The following SH3RF2 variants were observed in gnomAD, a reference collection of about 807,000 sequenced individuals.
SH3RF2 encodes SH3 domain containing ring finger 2.
SH3RF2 carries 43 observed loss-of-function variants against 59.0 expected under a neutral mutation model. The observed-to-expected ratio is 0.73, with a 90% CI of 0.57 to 0.94. The LOEUF is 0.94. SH3RF2 is among the 40% of genes least tolerant of loss of function. The pLI is 0.00. For synonymous variants in SH3RF2, 391 were observed against 391.5 expected, an observed-to-expected ratio of 1.00 and a Z score of 0.01; for missense variants, 930 against 940.1, an observed-to-expected ratio of 0.99 and a Z score of 0.14.
chr5:146,050,948 T>C (rs748392898), intron 7 of SH3RF2, among the ~76,000 whole-genome samples: 1 of 152,166 alleles, frequency 6.6e-6, no homozygotes, highest in Non-Finnish European at 1.5e-5. Context: ...AAAAGACCTG[T>C]AGTAGTCCAG....
rs1290970655 is a variant in SH3RF2 at position 146,013,893 on chromosome 5, G to A, written c.891G>A (p.Gly297=). 1.6e-5 allele frequency: 26 copies of A among 1,614,122 alleles called. No homozygotes were observed. Among genetic ancestry groups the A allele is most frequent in the Non-Finnish European group, 2.1e-5 (25 of 1,180,020 alleles). ...CAGGGTCCAGGAGGAAGGTGCCTGG[G>A]CAGTTTTCCATCACAACAGCCTTGA... is the stretch of plus-strand genomic sequence containing the variant. The part of the protein sequence containing the change: ...RGPGSRRKVP[G]QFSITTALNT... Residue 297 remains glycine, a synonymous_variant, in exon 5 of 10, where the codon GGG becomes GGA. Transcript: ENST00000359120.
chr5:146,005,565 G>A (rs978318921), intron 4 of SH3RF2, among the ~76,000 whole-genome samples: 2 of 152,178 alleles, frequency 1.3e-5, no homozygotes, highest in Admixed American at 6.5e-5. Flanking sequence ...TGAAGGAAGG[G>A]ATGGAGGAAG....
chr5:146,068,330 G>A (rs920677399), intron 9 of SH3RF2, among the ~76,000 whole-genome samples: 29 of 152,224 alleles, frequency 1.9e-4, no homozygotes, highest in African/African-American at 7.0e-4. Context: ...AGCTGTGGCA[G>A]GCAGAACGGC....
At chr5:145,977,764 T>A (rs925840426) in intron 2 of SH3RF2, among the ~76,000 whole-genome samples, 2 of 152,220 alleles carry the variant, frequency 1.3e-5, no homozygotes, top group Non-Finnish European at 2.9e-5. Flanking sequence ...CAGCTTGAGA[T>A]AGGCTCTAAT....
intron 2 of SH3RF2, among the ~76,000 whole-genome samples, chr5:145,993,780 C>G (rs1278211069): frequency 1.3e-5 from 2 of 151,902 alleles, no homozygotes; most frequent in Non-Finnish European, 2.9e-5. Flanking sequence ...GAGGGGCTGC[C>G]ATGAAGACCT....
At chr5:146,004,742 A>G (rs1460661166) in intron 4 of SH3RF2, among the ~76,000 whole-genome samples, 2 of 152,098 alleles carry the variant, frequency 1.3e-5, no homozygotes, top group Admixed American at 1.3e-4. Context: ...AATATCATAA[A>G]ATGTTCAATA....
chr5:146,071,351 G>C (rs1201422481), intron 9 of SH3RF2, among the ~76,000 whole-genome samples: 2 of 152,216 alleles, frequency 1.3e-5, no homozygotes, highest in African/African-American at 2.4e-5. Context: ...GGACATGTCA[G>C]TCACAGCTTA....
intron 4 of SH3RF2, among the ~76,000 whole-genome samples, chr5:146,009,945 T>C (rs971197774): frequency 6.6e-6 from 1 of 152,206 alleles, no homozygotes; most frequent in South Asian, 2.1e-4. Context: ...TTGTTACACA[T>C]GTATACAAGT....
chr5:145,995,569 C>A (rs911610125), intron 2 of SH3RF2, among the ~76,000 whole-genome samples: 4 of 152,252 alleles, frequency 2.6e-5, no homozygotes, highest in East Asian at 1.9e-4. Flanking sequence ...CCTCTCATAC[C>A]TTTTACCTCT....
At chr5:146,011,671 GCTCT>G (rs777485673) in intron 4 of SH3RF2, among the ~76,000 whole-genome samples, 1 of 152,018 alleles carries the variant, frequency 6.6e-6, no homozygotes, top group Non-Finnish European at 1.5e-5. Context: ...TCATGATTTG[GCTCT>G]CTGTTTGTCT....
At position 146,062,885 on chromosome 5, in the gene SH3RF2, G is replaced by A. The variant is rs1032528078; in HGVS notation, c.*184G>A. On this transcript the variant is annotated 3_prime_UTR_variant, in exon 10 of 10. Transcript: ENST00000359120. The stretch of plus-strand genomic sequence containing the variant: ...TGCCCTGGGTGGGAGGATAGATGGC[G>A]TGGCCTTCCAAACATACAAACATAA... 14 of 736,516 alleles carry A rather than the reference G, an allele frequency of 1.9e-5. No individual in the cohort carries two copies. In the Middle Eastern group the frequency reaches 1.6e-3, roughly 83 times the overall value. The allele number at this position is 736,516 out of a possible 1,614,324, so 45.6% of individuals were successfully genotyped here. A position where few individuals can be genotyped will look rare whatever the true frequency, so the allele number is the denominator to read the frequency against.
At chr5:146,017,938 A>C (rs1338406795) in intron 5 of SH3RF2, among the ~76,000 whole-genome samples, 1 of 152,144 alleles carries the variant, frequency 6.6e-6, no homozygotes, top group Non-Finnish European at 1.5e-5. Flanking sequence ...GGATCCCATT[A>C]TTGAGTGATC....
chr5:145,938,015 G>A lies in SH3RF2; in HGVS notation c.87G>A (p.Gln29=). 2 of 1,614,218 alleles carry A rather than the reference G, an allele frequency of 1.2e-6. No individual in the cohort carries two copies. The highest frequency in any genetic ancestry group is 1.7e-6 in the Non-Finnish European group (2 of 1,180,034). ...LDVTAKVLPC[Q]HTFCKPCLQR... ...TCACAGCCAAAGTCCTCCCTTGCCA[G>A]CACACCTTCTGCAAACCATGTCTAC... The change falls in exon 2 of 10, where the codon CAG becomes CAA. Residue 29 remains glutamine (Q), a synonymous_variant. Transcript: ENST00000359120.
intron 2 of SH3RF2, among the ~76,000 whole-genome samples, chr5:145,975,770 C>T (rs1164195923): frequency 6.6e-6 from 1 of 152,246 alleles, no homozygotes; most frequent in Non-Finnish European, 1.5e-5. Flanking sequence ...AATCATTCCC[C>T]TACTGGGGCA....
intron 8 of SH3RF2, among the ~76,000 whole-genome samples, chr5:146,057,972 C>A (rs928983576): frequency 1.3e-3 from 102 of 81,338 alleles, no homozygotes; most frequent in African/African-American, 3.0e-3. Context: ...CTCTCTCTAT[C>A]TATCTATCTA....
chr5:146,009,330 C>T (rs78595125), intron 4 of SH3RF2, among the ~76,000 whole-genome samples: 10 of 152,270 alleles, frequency 6.6e-5, no homozygotes, highest in African/African-American at 2.4e-4. Context: ...GATCTGGCCC[C>T]TGCCTGTCTC....
At chr5:146,064,866 G>GAAAGAAAGAAAGAAAGAAAGAA (rs1561773964), downstream of SH3RF2, among the ~76,000 whole-genome samples, 1 of 83,988 alleles carries the variant, frequency 1.2e-5, no homozygotes, top group Non-Finnish European at 2.7e-5. Flanking sequence ...GAAAGAAAGA[G>GAAAGAAAGAAAGAAAGAAAGAA]AAAGAAAAAG....
At chr5:146,072,846 A>T (rs1247691257) in intron 9 of SH3RF2, among the ~76,000 whole-genome samples, 1 of 152,170 alleles carries the variant, frequency 6.6e-6, no homozygotes, top group East Asian at 1.9e-4. Flanking sequence ...CATCATGGGC[A>T]AGTCATTTAA....
chr5:146,005,887 G>A (rs1272949566), intron 4 of SH3RF2, among the ~76,000 whole-genome samples: 1 of 148,738 alleles, frequency 6.7e-6, no homozygotes, highest in African/African-American at 2.5e-5. Context: ...GCAAGTGAAT[G>A]AATGGAAAAT....
Sources: allele counts gnomAD v4.1 joint callset (sites outside exome capture counted in the v4.1 genomes callset), GRCh38; gene constraint gnomAD v4.1.1; transcripts MANE v1.5; gene names NCBI Gene and HGNC (gene_info 2026-07-23, HGNC 2026-07-21).